The following TMEM132C variants were observed in gnomAD, a reference collection of about 807,000 sequenced individuals.
TMEM132C encodes the protein transmembrane protein 132C.
In TMEM132C, 29 loss-of-function variants were observed where a neutral mutation model predicts 61.4. That is an observed-to-expected ratio of 0.47 (90% CI 0.35 to 0.64). The LOEUF is 0.64. Ranked by LOEUF, TMEM132C falls within the 30% of genes least tolerant of loss-of-function variation. The pLI is 0.00. For synonymous variants in TMEM132C, 656 were observed against 633.1 expected (o/e 1.04, Z -0.54); for missense variants, 1,408 against 1,476.9 (o/e 0.95, Z 0.76).
intron 1 of TMEM132C, among the ~76,000 whole-genome samples, chr12:128,334,787 G>A (rs1453489342): frequency 2.0e-5 from 3 of 152,002 alleles, no homozygotes; most frequent in East Asian, 1.9e-4. Context: ...TAGTAGAGAC[G>A]GGATTTCACT....
chr12:128,378,599 C>A (rs909925277), intron 1 of TMEM132C, among the ~76,000 whole-genome samples: 1 of 152,140 alleles, frequency 6.6e-6, no homozygotes, highest in Non-Finnish European at 1.5e-5. Context: ...TGTCTTTCTC[C>A]GCACGTGAGC....
At chr12:128,516,182 C>G (rs577207265) in intron 2 of TMEM132C, among the ~76,000 whole-genome samples, 2 of 152,224 alleles carry the variant, frequency 1.3e-5, no homozygotes, top group Admixed American at 1.3e-4. Flanking sequence ...TAAGTACCCA[C>G]AAAAAAACTT....
At position 128,651,694 on chromosome 12, in the gene TMEM132C, G is replaced by A. The variant is rs561476582; in HGVS notation, c.1306-17723G>A. On this transcript the variant is annotated intron_variant, in intron 4 of 8. Coordinates refer to ENST00000435159, the MANE Select transcript of TMEM132C (RefSeq NM_001136103.3). Reference sequence around the variant, plus strand: ...TCTCCTAGGTGATCACAGCTAGGGAGACCATAGCAGGGAATGGGAATGGGG... The same window carrying A: ...TCTCCTAGGTGATCACAGCTAGGGAAACCATAGCAGGGAATGGGAATGGGG... 6.0e-4 allele frequency among the ~76,000 whole-genome samples: 92 copies of A among 152,290 alleles called. 1 individual carries two copies. The highest frequency in any genetic ancestry group is 2.2e-4 in the Non-Finnish European group (15 of 68,020).
In TMEM132C at chr12:128,693,824, T is replaced by G. The variant is rs907061275; in HGVS notation, c.1450-5T>G. On this transcript the variant is annotated splice_polypyrimidine_tract_variant and splice_region_variant and intron_variant, in intron 5 of 8. Transcript: ENST00000435159. The stretch of plus-strand genomic sequence containing the variant: ...CCTCCATCCTTTCTCCCTCTGTCTT[T>G]GCAGGTGTCTGAGCGCTGTGACTAC... 1 of 1,551,764 alleles carries G rather than the reference T, an allele frequency of 6.4e-7. No homozygotes were observed. The highest frequency in any genetic ancestry group is 2.4e-5 in the East Asian group (1 of 40,924).
intron 2 of TMEM132C, among the ~76,000 whole-genome samples, chr12:128,446,157 C>T (rs760520535): frequency 1.3e-5 from 2 of 152,202 alleles, no homozygotes; most frequent in Admixed American, 6.5e-5. Flanking sequence ...GCGTGAATGC[C>T]GGATTCTCCC....
chr12:128,596,137 T>G (rs144609983), intron 3 of TMEM132C, among the ~76,000 whole-genome samples: 3 of 151,466 alleles, frequency 2.0e-5, no homozygotes, highest in African/African-American at 7.3e-5. Context: ...GGGCTGCCCC[T>G]TTCGCAGGTC....
chr12:128,354,453 C>T (rs2135965491), intron 1 of TMEM132C, among the ~76,000 whole-genome samples: 1 of 149,536 alleles, frequency 6.7e-6, no homozygotes, highest in South Asian at 2.1e-4. Flanking sequence ...CCTTCCCTGC[C>T]TTCTTTTCTT....
intron 2 of TMEM132C, among the ~76,000 whole-genome samples, chr12:128,516,022 T>C (rs1872706812): frequency 6.6e-6 from 1 of 151,952 alleles, no homozygotes; most frequent in African/African-American, 2.4e-5. Context: ...TGGTTTGAGG[T>C]CCTTGTACTT....
At chr12:128,397,665 TTTCTC>T (rs1289083918) in intron 1 of TMEM132C, among the ~76,000 whole-genome samples, 1 of 151,992 alleles carries the variant, frequency 6.6e-6, no homozygotes, top group East Asian at 1.9e-4. Context: ...TCCCAATGCT[TTTCTC>T]TTCTTCTTCT....
chr12:128,544,202 C>T (rs1593094225), intron 3 of TMEM132C, 99 bp downstream of exon 3: 12 of 1,396,294 alleles, frequency 8.6e-6, no homozygotes, highest in Non-Finnish European at 9.4e-6. Flanking sequence ...TGAGCGGCTG[C>T]TCAGAGGAGC....
intron 3 of TMEM132C, among the ~76,000 whole-genome samples, chr12:128,576,867 A>G (rs138720417): frequency 2.0e-5 from 3 of 152,306 alleles, no homozygotes; most frequent in African/African-American, 7.2e-5. Flanking sequence ...GAAAACTTCA[A>G]ATGTGCTTAA....
chr12:128,502,558 A>G lies in TMEM132C; in HGVS notation c.975-41399A>G, dbSNP rs148304491. ...GGCAGATCCTATGTAGGTAAGTGGT[A>G]TGGTGCAGCCAGCCCCCTGGGCCAT... On this transcript the variant is annotated intron_variant, in intron 2 of 8. Coordinates refer to ENST00000435159, the MANE Select transcript of TMEM132C (RefSeq NM_001136103.3). Among the ~76,000 whole-genome samples, 67 of 151,768 alleles carry G rather than the reference A, an allele frequency of 4.4e-4. 1 individual carries two copies. In the Middle Eastern group the frequency reaches 0.01, roughly 23 times the overall value.
At chr12:128,581,429 T>G (rs1014446303) in intron 3 of TMEM132C, among the ~76,000 whole-genome samples, 2 of 152,152 alleles carry the variant, frequency 1.3e-5, no homozygotes, top group Non-Finnish European at 2.9e-5. Context: ...CACCCTTTAT[T>G]GCATCTGCAA....
intron 2 of TMEM132C, among the ~76,000 whole-genome samples, chr12:128,442,296 G>T (rs147974467): frequency 3.9e-5 from 6 of 152,264 alleles, no homozygotes; most frequent in Admixed American, 3.9e-4. Flanking sequence ...AACTAGAGTT[G>T]AATGAGACAG....
At chr12:128,476,690 T>C (rs2136086934) in intron 2 of TMEM132C, among the ~76,000 whole-genome samples, 1 of 151,130 alleles carries the variant, frequency 6.6e-6, no homozygotes, top group South Asian at 2.1e-4. Flanking sequence ...AGCTGCACAG[T>C]ACAAGCAGTC....
intron 4 of TMEM132C, among the ~76,000 whole-genome samples, chr12:128,658,009 G>A (rs897808109): frequency 6.6e-6 from 1 of 150,682 alleles, no homozygotes; most frequent in Non-Finnish European, 1.5e-5. Context: ...CAGGAGCAGG[G>A]ACGCAGCTCC....
At chr12:128,698,573 C>T (rs902379284) in intron 8 of TMEM132C, among the ~76,000 whole-genome samples, 8 of 152,192 alleles carry the variant, frequency 5.3e-5, no homozygotes, top group African/African-American at 1.2e-4. Flanking sequence ...TTAGGCTTAA[C>T]GATGTTGACT....
At chr12:128,572,285 C>T (rs992117470) in intron 3 of TMEM132C, among the ~76,000 whole-genome samples, 4 of 146,330 alleles carry the variant, frequency 2.7e-5, no homozygotes, top group East Asian at 3.9e-4. Flanking sequence ...GGGTCACATG[C>T]GTACTGTGGC....
Position 128,333,429 on chromosome 12 carries a change from TGA to T in TMEM132C, c.85+65944_85+65945del, listed in dbSNP as rs562822145. On this transcript the variant is annotated intron_variant, in intron 1 of 8. Coordinates refer to ENST00000435159, the MANE Select transcript of TMEM132C (RefSeq NM_001136103.3). Reference sequence around the variant, plus strand: ...ATGCCTGTATGGATGAGAGTGTGTGTGAGTGTTTTGTTTATGTGTGTGAGCAT... The same window carrying T: ...ATGCCTGTATGGATGAGAGTGTGTGTGTGTTTTGTTTATGTGTGTGAGCAT... Among the ~76,000 whole-genome samples the T allele has an allele frequency of 3.0e-3, 459 of 151,852 alleles. 2 individuals are homozygous for T. The highest frequency in any genetic ancestry group is 4.0e-3 in the Non-Finnish European group (269 of 67,892).
Sources: gnomAD v4.1 joint callset for allele counts (sites outside exome capture counted in the v4.1 genomes callset) on GRCh38, gnomAD v4.1.1 for gene constraint, MANE v1.5 for transcripts, NCBI Gene and HGNC (gene_info 2026-07-23, HGNC 2026-07-21) for gene names.